Variants in ZNF343 observed in about 807,000 individuals in gnomAD.
ZNF343 encodes zinc finger protein 343.
A neutral mutation model predicts 13.8 loss-of-function variants in ZNF343; 11 were observed. That is an observed-to-expected ratio of 0.80 (90% CI 0.50 to 1.32). The LOEUF is 1.32. ZNF343 is among the 40% of genes most tolerant of loss of function. The pLI, the probability that ZNF343 is intolerant of heterozygous loss-of-function variation, is 0.00. For synonymous variants in ZNF343, 248 were observed against 260.0 expected, an observed-to-expected ratio of 0.95 and a Z score of 0.44; for missense variants, 658 against 714.2, an observed-to-expected ratio of 0.92 and a Z score of 0.90.
Position 2,483,470 on chromosome 20 carries a change from C to A in ZNF343, c.1491G>T (p.Glu497Asp). 1.2e-6 allele frequency: 2 copies of A among 1,611,742 alleles called. No homozygotes were observed. The highest frequency in any genetic ancestry group is 1.1e-5 in the South Asian group (1 of 90,890). Residue 497 changes from glutamate (E) to aspartate (D), a missense_variant, in exon 6 of 6, where the codon GAG (glutamate) becomes GAT (aspartate). Glu to Asp is a conservative substitution (Grantham distance 45). Coordinates refer to ENST00000278772, the MANE Select transcript of ZNF343 (RefSeq NM_024325.6). ...HSGEKHYVCR[E>D]CRRGFSQKSN... is the part of the protein sequence containing the mutation. Reference sequence around the variant, plus strand: ...ACTTCTGGCTAAAACCTCGCCTACACTCCCTGCAGACATAATGCTTCTCCC... The same window carrying A: ...ACTTCTGGCTAAAACCTCGCCTACAATCCCTGCAGACATAATGCTTCTCCC...
chr20:2,502,542 A>G (rs373251768), intron 1 of ZNF343, among the ~76,000 whole-genome samples: 1 of 152,132 alleles, frequency 6.6e-6, no homozygotes, highest in East Asian at 1.9e-4. Flanking sequence ...GAAGGAAAAA[A>G]TGTTAAGGGC....
Position 2,483,067 on chromosome 20 carries a change from G to T in ZNF343, c.*94C>A. ...ACTTCACTCACAATCTGTGTACACA[G>T]GGTCTACTCCCCATGTGTCTCTCTG... On this transcript the variant is annotated 3_prime_UTR_variant, in exon 6 of 6. Transcript: ENST00000278772. The T allele has an allele frequency of 1.4e-6, 2 of 1,393,340 alleles. No homozygotes were observed. The highest frequency in any genetic ancestry group is 1.9e-6 in the Non-Finnish European group (2 of 1,025,982). 86.3% of individuals were successfully genotyped at this position (1,393,340 alleles called of 1,614,324 possible).
chr20:2,515,812 G>A (rs2085756820), intron 1 of ZNF343, among the ~76,000 whole-genome samples: 1 of 152,170 alleles, frequency 6.6e-6, no homozygotes, highest in South Asian at 2.1e-4. Context: ...GGTTCAACAT[G>A]AGAGTGAGAG....
intron 1 of ZNF343, among the ~76,000 whole-genome samples, chr20:2,503,962 A>G (rs1894250092): frequency 6.6e-6 from 1 of 152,240 alleles, no homozygotes; most frequent in Non-Finnish European, 1.5e-5. Context: ...CTAAGATCAG[A>G]GCAGAACTGA....
At chr20:2,507,815 T>A (rs1008854460) in intron 1 of ZNF343, among the ~76,000 whole-genome samples, 1 of 152,152 alleles carries the variant, frequency 6.6e-6, no homozygotes, top group Non-Finnish European at 1.5e-5. Context: ...AGGTTTAAAA[T>A]TTGTCCCTAC....
chr20:2,502,922 A>T (rs1435936671), intron 1 of ZNF343, among the ~76,000 whole-genome samples: 1 of 152,224 alleles, frequency 6.6e-6, no homozygotes, highest in Non-Finnish European at 1.5e-5. Flanking sequence ...CAAAATAACC[A>T]GCTAACATCA....
intron 2 of ZNF343, among the ~76,000 whole-genome samples, chr20:2,495,128 C>T (rs1456002814): frequency 6.6e-6 from 1 of 152,192 alleles, no homozygotes; most frequent in Non-Finnish European, 1.5e-5. Context: ...CTAAGCAGCT[C>T]TTGTAATTCA....
intron 2 of ZNF343, among the ~76,000 whole-genome samples, chr20:2,499,860 T>C (rs1211150200): frequency 3.9e-5 from 6 of 152,194 alleles, no homozygotes; most frequent in East Asian, 1.9e-4. Context: ...TTATAGTTCT[T>C]ACCTGAATTG....
chr20:2,490,641 GA>G (rs2085353485), intron 5 of ZNF343, among the ~76,000 whole-genome samples: 1 of 151,222 alleles, frequency 6.6e-6, no homozygotes, highest in Non-Finnish European at 1.5e-5. Context: ...GGGTTCAAGT[GA>G]ATCTCCTGCC....
At chr20:2,487,969 T>C (rs1338871819) in intron 5 of ZNF343, among the ~76,000 whole-genome samples, 1 of 152,266 alleles carries the variant, frequency 6.6e-6, no homozygotes, top group East Asian at 1.9e-4. Flanking sequence ...GTGAATCGTC[T>C]ATTTAGGTAT....
intron 2 of ZNF343, among the ~76,000 whole-genome samples, chr20:2,499,761 A>G (rs1483352899): frequency 6.6e-6 from 1 of 152,208 alleles, no homozygotes. Flanking sequence ...CCAGGGATGG[A>G]GACACGGTCA....
At chr20:2,517,661 C>T (rs1323186366) in intron 1 of ZNF343, among the ~76,000 whole-genome samples, 1 of 149,884 alleles carries the variant, frequency 6.7e-6, no homozygotes, top group Non-Finnish European at 1.5e-5. Flanking sequence ...ACCACCATGC[C>T]TGGCTAGTTA....
chr20:2,520,902 G>C (rs2085779536), intron 1 of ZNF343, among the ~76,000 whole-genome samples: 1 of 152,234 alleles, frequency 6.6e-6, no homozygotes. Flanking sequence ...GGAGGGAGAG[G>C]TGGGGACACA....
intron 2 of ZNF343, among the ~76,000 whole-genome samples, chr20:2,495,767 G>A (rs1219397275): frequency 6.7e-6 from 1 of 149,016 alleles, no homozygotes. Flanking sequence ...CGCAACCTCT[G>A]CCTCCCAGGT....
At chr20:2,494,941 A>G (rs1216238489) in intron 2 of ZNF343, among the ~76,000 whole-genome samples, 5 of 152,126 alleles carry the variant, frequency 3.3e-5, no homozygotes, top group African/African-American at 1.2e-4. Flanking sequence ...ACAGATGTGC[A>G]TTTGTGTATC....
intron 5 of ZNF343, among the ~76,000 whole-genome samples, chr20:2,486,098 T>G (rs1485252852): frequency 6.6e-6 from 1 of 152,236 alleles, no homozygotes; most frequent in Non-Finnish European, 1.5e-5. Context: ...TCTAGAAGCA[T>G]ACCAAGTCAT....
At chr20:2,484,716 C>T in intron 5 of ZNF343, 60 bp from the exon 6 acceptor site, 1 of 1,482,736 alleles carries the variant, frequency 6.7e-7, no homozygotes, top group Non-Finnish European at 9.1e-7. Flanking sequence ...GTTGTTCTGC[C>T]TTGTCTTAGG....
intron 1 of ZNF343, among the ~76,000 whole-genome samples, chr20:2,521,627 G>C (rs941970490): frequency 6.6e-6 from 1 of 152,200 alleles, no homozygotes; most frequent in Non-Finnish European, 1.5e-5. Flanking sequence ...CAGAATTGGG[G>C]CTCAGCCTCC....
intron 1 of ZNF343, among the ~76,000 whole-genome samples, chr20:2,517,623 T>G (rs1260342708): frequency 6.6e-6 from 1 of 151,658 alleles, no homozygotes; most frequent in Non-Finnish European, 1.5e-5. Flanking sequence ...CACCTCAGCC[T>G]TCCAAGTAAC....
Sources: allele counts gnomAD v4.1 joint callset (sites outside exome capture counted in the v4.1 genomes callset), GRCh38; gene constraint gnomAD v4.1.1; transcripts MANE v1.5; gene names NCBI Gene and HGNC (gene_info 2026-07-23, HGNC 2026-07-21).